The following LHCGR variants were observed in gnomAD, a reference collection of about 807,000 sequenced individuals.
LHCGR encodes the protein lutropin-choriogonadotropic hormone receptor.
A neutral mutation model predicts 60.7 loss-of-function variants in LHCGR; 55 were observed. The observed-to-expected ratio is 0.91, with a 90% CI of 0.73 to 1.13. The LOEUF is 1.13. LHCGR is among the 50% of genes most tolerant of loss of function. LHCGR has a pLI of 0.00. For missense variants in LHCGR, 862 were observed against 836.0 expected (o/e 1.03, Z -0.38); for synonymous variants, 337 against 316.5 (o/e 1.06, Z -0.69).
At chr2:48,742,346 T>G (rs1245955075) in intron 1 of LHCGR, among the ~76,000 whole-genome samples, 12 of 151,852 alleles carry the variant, frequency 7.9e-5, no homozygotes, top group African/African-American at 2.7e-4. Context: ...GCGGACCTAA[T>G]AGACATCTAC....
chr2:48,735,317 C>T lies in LHCGR; in HGVS notation c.162-4019G>A, dbSNP rs540188387. ...CATGACTCTGGCGAGGCTTGTGCAT[C>T]GTCTAAACTGGACCCAATAATATTA... is the stretch of plus-strand genomic sequence containing the variant. On this transcript the variant is annotated intron_variant, in intron 1 of 10. Coordinates refer to ENST00000294954, the MANE Select transcript of LHCGR (RefSeq NM_000233.4). Among the ~76,000 whole-genome samples, 18 of 152,326 alleles carry T rather than the reference C, an allele frequency of 1.2e-4. No homozygotes were observed. In the South Asian group the frequency reaches 3.5e-3, roughly 30 times the overall value.
intron 8 of LHCGR, among the ~76,000 whole-genome samples, chr2:48,705,777 C>A (rs1340174577): frequency 2.0e-5 from 3 of 151,936 alleles, no homozygotes; most frequent in Admixed American, 2.0e-4. Flanking sequence ...TAGTTTGAGC[C>A]TATGTGTGTC....
chr2:48,734,508 A>G (rs1401372458), intron 1 of LHCGR, among the ~76,000 whole-genome samples: 1 of 152,170 alleles, frequency 6.6e-6, no homozygotes, highest in Non-Finnish European at 1.5e-5. Flanking sequence ...TGGAAAATAA[A>G]AAAGGTTTAT....
At chr2:48,752,417 A>T (rs971263451) in intron 1 of LHCGR, among the ~76,000 whole-genome samples, 1 of 152,186 alleles carries the variant, frequency 6.6e-6, no homozygotes, top group African/African-American at 2.4e-5. Flanking sequence ...GCCTCCTCCA[A>T]CCCTGAGAAC....
intron 1 of LHCGR, among the ~76,000 whole-genome samples, chr2:48,737,773 G>A (rs1335920202): frequency 1.3e-5 from 2 of 152,168 alleles, no homozygotes; most frequent in Non-Finnish European, 2.9e-5. Context: ...ACATCCAGGT[G>A]GTTTTGATTA....
Position 48,694,299 on chromosome 2 carries a change from T to C in LHCGR, c.872A>G (p.Asn291Ser), listed in dbSNP as rs12470652. 0.048 allele frequency: 75,922 copies of C among 1,591,022 alleles called. 2,122 individuals are homozygous for C. The highest frequency in any genetic ancestry group is 0.056 in the Non-Finnish European group (64,773 of 1,161,608). ...GTTTTCAGAAATGGAATGTGAAAAA[T>C]TCTGTCTGAAAGAGAAGAGGTTAAA... ...AFRNLPTKEQ[N>S]FSHSISENFS... Residue 291 changes from asparagine (N) to serine (S), a missense_variant, in exon 10 of 11, where the codon AAT becomes AGT. Coordinates refer to ENST00000294954, the MANE Select transcript of LHCGR (RefSeq NM_000233.4).
chr2:48,723,076 C>G (rs1668571345), intron 6 of LHCGR, among the ~76,000 whole-genome samples: 1 of 152,194 alleles, frequency 6.6e-6, no homozygotes, highest in Admixed American at 6.5e-5. Context: ...GGAGAATATC[C>G]TTCCAAACTC....
chr2:48,706,049 G>A (rs538559531), intron 8 of LHCGR, among the ~76,000 whole-genome samples: 1 of 152,256 alleles, frequency 6.6e-6, no homozygotes, highest in Non-Finnish European at 1.5e-5. Context: ...TCCTTTCCAT[G>A]TTTAGTGCTT....
chr2:48,734,173 G>A (rs1311446464), intron 1 of LHCGR, among the ~76,000 whole-genome samples: 2 of 152,202 alleles, frequency 1.3e-5, no homozygotes. Flanking sequence ...GAATAGGAGA[G>A]CCTGTAGAAG....
chr2:48,703,429 C>T lies in LHCGR; in HGVS notation c.681-4629G>A, dbSNP rs186797411. On this transcript the variant is annotated intron_variant, in intron 8 of 10. Transcript: ENST00000294954. Reference sequence around the variant, plus strand: ...AGGTCTTACATTTAAGTCTTTAATCCATCTTGAGTTAATTTTTGTATAAGG... The same window carrying T: ...AGGTCTTACATTTAAGTCTTTAATCTATCTTGAGTTAATTTTTGTATAAGG... Among the ~76,000 whole-genome samples, 4 of 152,106 alleles carry T rather than the reference C, an allele frequency of 2.6e-5. No individual in the cohort carries two copies. The East Asian group carries it at 7.7e-4, about 29-fold the overall frequency.
intron 1 of LHCGR, among the ~76,000 whole-genome samples, chr2:48,736,770 A>C (rs1263379941): frequency 6.6e-6 from 1 of 152,214 alleles, no homozygotes; most frequent in Non-Finnish European, 1.5e-5. Flanking sequence ...ATCCTTGCTT[A>C]TAAAAACCTA....
At chr2:48,714,610 C>G (rs1668153372) in intron 6 of LHCGR, among the ~76,000 whole-genome samples, 1 of 151,708 alleles carries the variant, frequency 6.6e-6, no homozygotes. Context: ...AATCAATTTA[C>G]TTGGGCATAA....
At position 48,690,347 on chromosome 2, in the gene LHCGR, C is replaced by A. The variant is rs1680166718; in HGVS notation, c.948-1498G>T. Among the ~76,000 whole-genome samples the A allele has an allele frequency of 3.9e-5, 6 of 152,322 alleles. No homozygotes were observed. The South Asian group carries it at 1.0e-3, about 26-fold the overall frequency. On this transcript the variant is annotated intron_variant, in intron 10 of 10. Transcript: ENST00000294954. ...GGATCCATTCCTAGCATGGCTCGTACAGGCTGTGTAATCCCAGGAGAGTTA... is the reference window on the plus strand; with the variant it reads ...GGATCCATTCCTAGCATGGCTCGTAAAGGCTGTGTAATCCCAGGAGAGTTA...
intron 9 of LHCGR, among the ~76,000 whole-genome samples, chr2:48,697,042 T>G (rs1667150539): frequency 6.6e-6 from 1 of 152,184 alleles, no homozygotes. Context: ...CTCCCCATCC[T>G]CTAAACAACC....
intron 1 of LHCGR, among the ~76,000 whole-genome samples, chr2:48,744,505 C>G (rs1367410210): frequency 9.6e-5 from 10 of 103,948 alleles, no homozygotes; most frequent in Admixed American, 7.8e-4. Context: ...AGATATAGAT[C>G]AATGGAACAG....
intron 1 of LHCGR, 21 bp from the exon 2 acceptor site, chr2:48,731,319 TC>T: frequency 6.4e-7 from 1 of 1,572,766 alleles, no homozygotes; most frequent in Non-Finnish European, 8.7e-7. Context: ...AAAAAGGAAA[TC>T]CAAGAGTTTA....
chr2:48,755,470 C>T (rs1208278107), intron 1 of LHCGR, 41 bp downstream of exon 1: 1 of 1,298,086 alleles, frequency 7.7e-7, no homozygotes. Flanking sequence ...GATGGAGGGT[C>T]CTGCATCAAG....
chr2:48,690,211 A>T (rs976780789), intron 10 of LHCGR, among the ~76,000 whole-genome samples: 5 of 152,190 alleles, frequency 3.3e-5, no homozygotes, highest in African/African-American at 7.2e-5. Context: ...ACTCATTGTG[A>T]TGACTTCCAA....
At chr2:48,694,353 C>T in intron 9 of LHCGR, 49 bp from the exon 10 acceptor site, 3 of 1,084,522 alleles carry the variant, frequency 2.8e-6, no homozygotes, top group Non-Finnish European at 4.2e-6. Context: ...GGACTTCAGG[C>T]TAAACCTGAC....
Sources: gnomAD v4.1 joint callset for allele counts (sites outside exome capture counted in the v4.1 genomes callset) on GRCh38, gnomAD v4.1.1 for gene constraint, MANE v1.5 for transcripts, NCBI Gene and HGNC (gene_info 2026-07-23, HGNC 2026-07-21) for gene names.